Variants in RAMP1 observed in about 807,000 individuals in gnomAD.
RAMP1 encodes the protein receptor activity-modifying protein 1.
A neutral mutation model predicts 8.2 loss-of-function variants in RAMP1; 7 were observed. The observed-to-expected ratio is 0.85, with a 90% CI of 0.49 to 1.60. RAMP1 has a LOEUF of 1.60. RAMP1 is among the 40% of genes most tolerant of loss of function. RAMP1 has a pLI of 0.00. For synonymous variants in RAMP1, 92 were observed against 84.7 expected (o/e 1.09, Z -0.47); for missense variants, 192 against 202.4 (o/e 0.95, Z 0.31).
chr2:237,876,292 C>G (rs1285303732), intron 1 of RAMP1, among the ~76,000 whole-genome samples: 1 of 152,214 alleles, frequency 6.6e-6, no homozygotes, highest in Non-Finnish European at 1.5e-5. Context: ...CAAGGGGCAA[C>G]TTGATGTCCT....
intron 2 of RAMP1, among the ~76,000 whole-genome samples, chr2:237,889,082 A>G (rs2062463946): frequency 6.6e-6 from 1 of 152,194 alleles, no homozygotes; most frequent in African/African-American, 2.4e-5. Flanking sequence ...CTTGAAGAAT[A>G]TATATATTAA....
intron 1 of RAMP1, among the ~76,000 whole-genome samples, chr2:237,875,449 C>G (rs2151007694): frequency 6.6e-6 from 1 of 152,098 alleles, no homozygotes; most frequent in Non-Finnish European, 1.5e-5. Context: ...CCCTCTGTGG[C>G]CACAAACTCC....
intron 1 of RAMP1, among the ~76,000 whole-genome samples, chr2:237,864,960 G>A (rs2062172135): frequency 1.3e-5 from 2 of 152,196 alleles, no homozygotes; most frequent in Non-Finnish European, 2.9e-5. Flanking sequence ...AGCTGGTGCT[G>A]GAGGAAAGAC....
chr2:237,900,664 G>T (rs1410808751), intron 2 of RAMP1, among the ~76,000 whole-genome samples: 1 of 151,836 alleles, frequency 6.6e-6, no homozygotes, highest in African/African-American at 2.4e-5. Flanking sequence ...TAGTATTGCC[G>T]ATCTTGTTCT....
At chr2:237,895,592 A>AC (rs2151018072) in intron 2 of RAMP1, among the ~76,000 whole-genome samples, 1 of 152,258 alleles carries the variant, frequency 6.6e-6, no homozygotes, top group African/African-American at 2.4e-5. Context: ...CCGAACAGGG[A>AC]CCAGCATGGT....
At chr2:237,875,274 C>T (rs2062290417) in intron 1 of RAMP1, among the ~76,000 whole-genome samples, 1 of 152,176 alleles carries the variant, frequency 6.6e-6, no homozygotes, top group African/African-American at 2.4e-5. Context: ...GCGGGCCCAG[C>T]CAGCCCCAAG....
intron 2 of RAMP1, among the ~76,000 whole-genome samples, chr2:237,902,062 C>T (rs1478670516): frequency 6.6e-6 from 1 of 152,082 alleles, no homozygotes; most frequent in African/African-American, 2.4e-5. Context: ...CAGAAGTGAA[C>T]AGCCCAGGCT....
chr2:237,911,071 CAG>C (rs1276376027), intron 2 of RAMP1, among the ~76,000 whole-genome samples: 5 of 152,024 alleles, frequency 3.3e-5, no homozygotes, highest in Non-Finnish European at 7.4e-5. Context: ...CAGTCGCACA[CAG>C]AATAACAGTT....
chr2:237,898,388 ACT>A lies in RAMP1; in HGVS notation c.192-13135_192-13134del, dbSNP rs139106975. Among the ~76,000 whole-genome samples, 1,029 of 151,998 alleles carry A rather than the reference ACT, an allele frequency of 6.8e-3. 15 individuals carry two copies. Among genetic ancestry groups the A allele is most frequent in the African/African-American group, 0.024 (995 of 41,450 alleles). On this transcript the variant is annotated intron_variant, in intron 2 of 2. Transcript: ENST00000254661. Reference sequence around the variant, plus strand: ...TTGGCCTTTTCCCTAGTTTGATTGTACTCTCTGACCAGCCTGATTTAGGAAGG... The same window carrying A: ...TTGGCCTTTTCCCTAGTTTGATTGTACTCTGACCAGCCTGATTTAGGAAGG...
chr2:237,881,988 C>T (rs1434123382), intron 2 of RAMP1, among the ~76,000 whole-genome samples: 1 of 148,780 alleles, frequency 6.7e-6, no homozygotes, highest in Non-Finnish European at 1.5e-5. Flanking sequence ...GGATTTGCCA[C>T]GTTTTCCTCT....
At chr2:237,896,569 G>C (rs1163198747) in intron 2 of RAMP1, among the ~76,000 whole-genome samples, 1 of 152,240 alleles carries the variant, frequency 6.6e-6, no homozygotes, top group Non-Finnish European at 1.5e-5. Flanking sequence ...CTGTAAGGAG[G>C]GGGTAAGAAC....
intron 2 of RAMP1, among the ~76,000 whole-genome samples, chr2:237,902,555 C>T (rs1429400592): frequency 2.6e-5 from 4 of 152,160 alleles, no homozygotes; most frequent in Non-Finnish European, 5.9e-5. Context: ...CACAGAGCCC[C>T]TTCCTGCCTC....
intron 2 of RAMP1, among the ~76,000 whole-genome samples, chr2:237,911,122 T>C (rs915154780): frequency 6.6e-6 from 1 of 151,940 alleles, no homozygotes; most frequent in African/African-American, 2.4e-5. Flanking sequence ...AGAATAACAG[T>C]TACAGTCACA....
intron 2 of RAMP1, among the ~76,000 whole-genome samples, chr2:237,894,429 C>T (rs1292170856): frequency 6.6e-6 from 1 of 152,200 alleles, no homozygotes; most frequent in Non-Finnish European, 1.5e-5. Flanking sequence ...GAGCCGGGGG[C>T]AGTGCTGGGG....
intron 1 of RAMP1, among the ~76,000 whole-genome samples, chr2:237,873,578 G>A (rs570431406): frequency 4.6e-5 from 7 of 152,162 alleles, no homozygotes; most frequent in Non-Finnish European, 1.0e-4. Context: ...CCTAACTTAC[G>A]CACAGCTCGA....
chr2:237,882,681 TC>T (rs898965781), intron 2 of RAMP1, among the ~76,000 whole-genome samples: 2 of 152,190 alleles, frequency 1.3e-5, no homozygotes, highest in African/African-American at 4.8e-5. Context: ...AGGGCAGCCT[TC>T]CAAGGGTCTC....
intron 2 of RAMP1, among the ~76,000 whole-genome samples, chr2:237,895,610 G>C (rs553211550): frequency 2.1e-4 from 32 of 152,162 alleles, no homozygotes; most frequent in Non-Finnish European, 4.3e-4. Context: ...GGTGCAGGGC[G>C]CCCCGTGGGT....
intron 1 of RAMP1, among the ~76,000 whole-genome samples, chr2:237,875,708 T>G (rs1005972790): frequency 1.1e-4 from 17 of 151,872 alleles, no homozygotes; most frequent in African/African-American, 3.9e-4. Flanking sequence ...GGGCTCAGCC[T>G]CTCTGGTCAG....
Position 237,862,300 on chromosome 2 carries a change from T to C in RAMP1, c.52+2573T>C, listed in dbSNP as rs1286106332. On this transcript the variant is annotated intron_variant, in intron 1 of 2. Coordinates refer to ENST00000254661, the MANE Select transcript of RAMP1 (RefSeq NM_005855.4). This position sits in a 1 kb window ranked among gnomAD's most constrained non-coding sequence, Gnocchi z 4.0. The stretch of plus-strand genomic sequence containing the variant: ...AAGTCCAAATCTGAAGGATTCTTAT[T>C]TGTTAATCAACTCAGTGTGTTTGTT... Among the ~76,000 whole-genome samples the C allele has an allele frequency of 6.6e-6, 1 of 152,236 alleles. No homozygotes were observed. The highest frequency in any genetic ancestry group is 1.9e-4 in the East Asian group (1 of 5,192).
Sources: gnomAD v4.1 joint callset for allele counts (sites outside exome capture counted in the v4.1 genomes callset) on GRCh38, gnomAD v4.1.1 for gene constraint, Gnocchi (gnomAD v3.1) non-coding constraint, MANE v1.5 for transcripts, NCBI Gene and HGNC (gene_info 2026-07-23, HGNC 2026-07-21) for gene names.